Variants in PIK3CD observed in about 807,000 individuals in gnomAD.
PIK3CD encodes the protein phosphatidylinositol-4,5-bisphosphate 3-kinase catalytic subunit delta.
In PIK3CD, 20 loss-of-function variants were observed where a neutral mutation model predicts 122.9. That is an observed-to-expected ratio of 0.16 (90% CI 0.11 to 0.24). The LOEUF is 0.24. Among genes scored for constraint, PIK3CD ranks in the 10% least tolerant of loss-of-function variants. The probability of loss-of-function intolerance (pLI) is 1.00; values close to 1 mark genes in which losing one functional copy is unlikely to be tolerated. For missense variants in PIK3CD, 787 were observed against 1,406.3 expected, an observed-to-expected ratio of 0.56 and a Z score of 7.04; for synonymous variants, 596 against 593.4, an observed-to-expected ratio of 1.00 and a Z score of -0.06.
chr1:9,720,497 C>A lies in PIK3CD; in HGVS notation c.1471-114C>A. 6.6e-7 allele frequency: 1 copy of A among 1,523,528 alleles called. No individual in the cohort carries two copies. 94.4% of individuals were successfully genotyped at this position (1,523,528 alleles called of 1,614,324 possible). On this transcript the variant is annotated intron_variant, in intron 11 of 23. Transcript: ENST00000377346. The surrounding 1 kb of genome is among the most constrained non-coding windows in gnomAD (Gnocchi z 9.0). ...GCCAGAGCTGCTGTGGATGCGCCTC[C>A]ATGCAGAGGACAGCGCCCCCTCAAG...
Position 9,720,065 on chromosome 1 carries a change from A to C in PIK3CD, c.1340-47A>C, listed in dbSNP as rs771369228. 6.2e-7 allele frequency: 1 copy of C among 1,613,392 alleles called. No homozygotes were observed. Among genetic ancestry groups the C allele is most frequent in the South Asian group, 1.1e-5 (1 of 91,084 alleles). ...GAGGCGTTGGGAGTGTGAGGGTCCC[A>C]GAGATGCTGGTCACCCCTCTACAAC... On this transcript the variant is annotated intron_variant, in intron 10 of 23. Coordinates refer to ENST00000377346, the MANE Select transcript of PIK3CD (RefSeq NM_005026.5). The surrounding 1 kb of genome is among the most constrained non-coding windows in gnomAD (Gnocchi z 9.0).
intron 1 of PIK3CD, among the ~76,000 whole-genome samples, chr1:9,658,474 A>G (rs1644922175): frequency 1.3e-5 from 2 of 149,820 alleles, no homozygotes; most frequent in Non-Finnish European, 3.0e-5. Flanking sequence ...CGTGGGAGAA[A>G]ATGTACTGTC....
At chr1:9,637,980 G>A in the PIK3CD span, among the ~76,000 whole-genome samples, 1 of 151,944 alleles carries the variant, frequency 6.6e-6, no homozygotes, top group Non-Finnish European at 1.5e-5. Flanking sequence ...GGTGGCAGGC[G>A]CCTGTAGTCC....
chr1:9,724,437 C>G lies in PIK3CD; in HGVS notation c.2864+16C>G, dbSNP rs1309410698. ...AATTTGAACGGTGAGAGTGCCTGAG[C>G]CCCACCAGATGCCCCTCGGTGTGGG... On this transcript the variant is annotated intron_variant, in intron 22 of 23. Coordinates refer to ENST00000377346, the MANE Select transcript of PIK3CD (RefSeq NM_005026.5). This position sits in a 1 kb window ranked among gnomAD's most constrained non-coding sequence, Gnocchi z 7.3. The G allele has an allele frequency of 1.9e-6, 3 of 1,613,702 alleles. No homozygotes were observed. The highest frequency in any genetic ancestry group is 4.5e-5 in the East Asian group (2 of 44,896).
At chr1:9,712,099 GT>G (rs1159173086) in intron 3 of PIK3CD, among the ~76,000 whole-genome samples, 1 of 151,458 alleles carries the variant, frequency 6.6e-6, no homozygotes, top group Non-Finnish European at 1.5e-5. Flanking sequence ...AGAGATTTTG[GT>G]TTGTTGAATA....
chr1:9,657,656 C>T (rs919307519), intron 1 of PIK3CD, among the ~76,000 whole-genome samples: 1 of 152,108 alleles, frequency 6.6e-6, no homozygotes, highest in South Asian at 2.1e-4. Flanking sequence ...CAAACTCCTC[C>T]CTCTTTATCT....
chr1:9,722,664 G>A lies in PIK3CD; in HGVS notation c.2426+58G>A. The A allele has an allele frequency of 1.4e-6, 2 of 1,406,312 alleles. No homozygotes were observed. Among genetic ancestry groups the A allele is most frequent in the South Asian group, 1.2e-5 (1 of 86,588 alleles). 87.1% of individuals were successfully genotyped at this position (1,406,312 alleles called of 1,614,324 possible). A position where few individuals can be genotyped will look rare whatever the true frequency, so the allele number is the denominator to read the frequency against. ...GTCTGTGCCCAGCCTGGGAGTCTGT[G>A]CCCCTGGAGGGGTCCTTGTTGAAGG... On this transcript the variant is annotated intron_variant, in intron 19 of 23. Transcript: ENST00000377346. The surrounding 1 kb of genome is among the most constrained non-coding windows in gnomAD (Gnocchi z 7.6).
At chr1:9,697,593 G>T (rs895653317) in intron 2 of PIK3CD, among the ~76,000 whole-genome samples, 1 of 151,824 alleles carries the variant, frequency 6.6e-6, no homozygotes, top group Non-Finnish European at 1.5e-5. Flanking sequence ...AATTAGCTGG[G>T]TATGTGGTGT....
chr1:9,649,991 G>A (rs561681307), upstream of PIK3CD, among the ~76,000 whole-genome samples: 201 of 152,278 alleles, frequency 1.3e-3, no homozygotes, highest in Non-Finnish European at 2.0e-3. Context: ...ATTTACATAA[G>A]GCAGATTAAC....
In PIK3CD at chr1:9,724,936, G is replaced by A. The variant is rs1463951620; in HGVS notation, c.2997G>A (p.Lys999=). Residue 999 remains lysine, a splice_region_variant and synonymous_variant, in exon 23 of 24, where the codon AAG becomes AAA. Transcript: ENST00000377346. This position sits in a 1 kb window ranked among gnomAD's most constrained non-coding sequence, Gnocchi z 7.3. ...GCTCCAAAGACATCCAGTATCTCAA[G>A]GTATGTGCCGGGCAGGAGACTGCTG... The part of the protein sequence containing the change: ...LSCSKDIQYL[K]DSLALGKTEE... 6.2e-7 allele frequency: 1 copy of A among 1,613,680 alleles called. No homozygotes were observed. Among genetic ancestry groups the A allele is most frequent in the Admixed American group, 1.7e-5 (1 of 60,030 alleles).
chr1:9,725,950 C>T (rs1278442720), intron 23 of PIK3CD, among the ~76,000 whole-genome samples: 1 of 151,902 alleles, frequency 6.6e-6, no homozygotes, highest in East Asian at 1.9e-4. Flanking sequence ...TGGCTCATGC[C>T]TCCGTAATCC....
At chr1:9,721,889 A>AG in intron 16 of PIK3CD, 29 bp downstream of exon 16, 1 of 1,611,648 alleles carries the variant, frequency 6.2e-7, no homozygotes, top group Non-Finnish European at 8.5e-7. Context: ...GGGGGCGGGC[A>AG]GGGGGCGGCC....
intron 1 of PIK3CD, among the ~76,000 whole-genome samples, chr1:9,682,456 T>C (rs1053626756): frequency 1.3e-5 from 2 of 152,202 alleles, no homozygotes; most frequent in African/African-American, 4.8e-5. Context: ...CAGGCTGGTC[T>C]CGAACTTCTG....
At position 9,720,916 on chromosome 1, in the gene PIK3CD, G is replaced by A. The variant is rs1432978228; in HGVS notation, c.1689+7G>A. 2 of 1,579,994 alleles carry A rather than the reference G, an allele frequency of 1.3e-6. No homozygotes were observed. The highest frequency in any genetic ancestry group is 1.1e-5 in the South Asian group (1 of 87,442). On this transcript the variant is annotated splice_region_variant and intron_variant, in intron 13 of 23. Transcript: ENST00000377346. This position sits in a 1 kb window ranked among gnomAD's most constrained non-coding sequence, Gnocchi z 9.0. ...GCATGAGGATGTGGCCCAGGTGGGT[G>A]GGGAGGCGCACCTGGGGGCGGAGCT...
At position 9,652,192 on chromosome 1, in the gene PIK3CD, G is replaced by A. The variant is rs1223745379; in HGVS notation, c.-138+390G>A. ...GCTGAGGCGCGAGGATACTGGAAGC[G>A]CTCAGCGCGTGCGCCCGCTCCGAGC... On this transcript the variant is annotated intron_variant, in intron 1 of 23. Transcript: ENST00000377346. This position sits in a 1 kb window ranked among gnomAD's most constrained non-coding sequence, Gnocchi z 6.2. Among the ~76,000 whole-genome samples the A allele has an allele frequency of 6.6e-6, 1 of 152,052 alleles. No individual in the cohort carries two copies. The highest frequency in any genetic ancestry group is 1.5e-5 in the Non-Finnish European group (1 of 67,944).
chr1:9,709,093 G>A (rs1337572743), intron 2 of PIK3CD, among the ~76,000 whole-genome samples: 4 of 151,754 alleles, frequency 2.6e-5, no homozygotes, highest in South Asian at 2.1e-4. Flanking sequence ...GCAGTGGTGC[G>A]ATCTCGGCTC....
At chr1:9,633,368 C>T in the PIK3CD span, among the ~76,000 whole-genome samples, 30 of 151,790 alleles carry the variant, frequency 2.0e-4, no homozygotes, top group African/African-American at 5.3e-4. Context: ...AGTGCGATGG[C>T]GCAGTCTCGG....
At chr1:9,651,986 C>T (rs1195258256) in intron 1 of PIK3CD, among the ~76,000 whole-genome samples, 184 bp downstream of exon 1, 1 of 151,734 alleles carries the variant, frequency 6.6e-6, no homozygotes. Context: ...CTGGGAGCCC[C>T]GGGGGCCGGG....
At chr1:9,716,291 A>T in intron 5 of PIK3CD, 149 bp from the exon 6 acceptor site, 1 of 856,014 alleles carries the variant, frequency 1.2e-6, no homozygotes, top group South Asian at 1.5e-5. Context: ...ATTGGGCATC[A>T]GTTTGTTCAT....
Sources: allele counts gnomAD v4.1 joint callset (sites outside exome capture counted in the v4.1 genomes callset), GRCh38; gene constraint gnomAD v4.1.1; non-coding constraint Gnocchi (gnomAD v3.1); transcripts MANE v1.5; gene names NCBI Gene and HGNC (gene_info 2026-07-23, HGNC 2026-07-21).